The following PVT1 variants were observed in gnomAD, a reference collection of about 807,000 sequenced individuals.
PVT1 encodes CXCR4/PVT1 fusion.
intron 2 of PVT1, among the ~76,000 whole-genome samples, chr8:127,863,967 G>A (rs1815257207): frequency 6.6e-6 from 1 of 152,240 alleles, no homozygotes; most frequent in Non-Finnish European, 1.5e-5. Context: ...TTTTGGCTCA[G>A]CGCGGATGGA....
At chr8:127,981,297 A>G (rs778759484) in intron 3 of PVT1, among the ~76,000 whole-genome samples, 22 of 152,174 alleles carry the variant, frequency 1.4e-4, no homozygotes, top group Non-Finnish European at 3.1e-4. Context: ...GGCCAAGGCT[A>G]CCCAAAGAGC....
chr8:127,984,027 T>C (rs1225603346), intron 3 of PVT1: 1 of 152,022 alleles, frequency 6.6e-6, no homozygotes, highest in Admixed American at 6.6e-5. Context: ...TACAGGCGTG[T>C]GCCACAAAGC....
intron 4 of PVT1, among the ~76,000 whole-genome samples, chr8:128,056,363 T>C (rs1813762334): frequency 6.6e-6 from 1 of 152,228 alleles, no homozygotes; most frequent in East Asian, 1.9e-4. Flanking sequence ...GTATGTATAC[T>C]CATATATGCA....
chr8:127,807,563 T>A (rs1235658033), intron 2 of PVT1, among the ~76,000 whole-genome samples: 1 of 152,094 alleles, frequency 6.6e-6, no homozygotes, highest in African/African-American at 2.4e-5. Flanking sequence ...CCTCAAGCCA[T>A]CCTCCTGCCC....
chr8:128,089,406 G>A (rs558968967), intron 5 of PVT1, among the ~76,000 whole-genome samples: 4 of 152,196 alleles, frequency 2.6e-5, no homozygotes, highest in South Asian at 2.1e-4. Flanking sequence ...GGGGTCCACC[G>A]TCATGACCAT....
At chr8:127,993,997 G>C (rs1817074930) in intron 4 of PVT1, among the ~76,000 whole-genome samples, 1 of 152,140 alleles carries the variant, frequency 6.6e-6, no homozygotes, top group South Asian at 2.1e-4. Context: ...CAATTGCATT[G>C]CTTGAGATCC....
chr8:128,004,956 C>G (rs2130024669), intron 4 of PVT1, among the ~76,000 whole-genome samples: 1 of 152,244 alleles, frequency 6.6e-6, no homozygotes, highest in Non-Finnish European at 1.5e-5. Flanking sequence ...ACCTGACTAA[C>G]ATGGAGAAAC....
At chr8:127,976,083 C>T (rs568083716) in intron 3 of PVT1, among the ~76,000 whole-genome samples, 30 of 152,308 alleles carry the variant, frequency 2.0e-4, no homozygotes, top group African/African-American at 7.2e-4. Context: ...AAGAGTGGAG[C>T]TTACATCTTT....
intron 2 of PVT1, among the ~76,000 whole-genome samples, chr8:127,810,076 C>T (rs1197581150): frequency 2.0e-5 from 3 of 152,190 alleles, no homozygotes; most frequent in Non-Finnish European, 4.4e-5. Flanking sequence ...ACAGATGCCC[C>T]CCAGAAGCAT....
intron 2 of PVT1, among the ~76,000 whole-genome samples, chr8:127,844,618 C>T (rs1161127862): frequency 6.6e-6 from 1 of 152,204 alleles, no homozygotes; most frequent in Non-Finnish European, 1.5e-5. Flanking sequence ...GTGAACAGAG[C>T]CCTTTTCATC....
intron 4 of PVT1, among the ~76,000 whole-genome samples, chr8:128,024,176 G>T (rs1817468123): frequency 6.6e-6 from 1 of 152,308 alleles, no homozygotes; most frequent in East Asian, 1.9e-4. Context: ...TGAAGGAATT[G>T]CACCTGTGAA....
At chr8:128,093,183 C>T (rs564370792) in intron 5 of PVT1, among the ~76,000 whole-genome samples, 1 of 152,302 alleles carries the variant, frequency 6.6e-6, no homozygotes, top group Non-Finnish European at 1.5e-5. Flanking sequence ...ACGGAAAGAG[C>T]TTGGGCTTCT....
intron 4 of PVT1, among the ~76,000 whole-genome samples, chr8:128,019,116 G>A (rs1817405646): frequency 6.6e-6 from 1 of 152,222 alleles, no homozygotes; most frequent in Non-Finnish European, 1.5e-5. Flanking sequence ...GAACGTCAGA[G>A]CCACTGCGTC....
Position 127,880,148 on chromosome 8 carries a change from A to G in PVT1, n.373-10441A>G, listed in dbSNP as rs147829622. Among the ~76,000 whole-genome samples the G allele has an allele frequency of 5.9e-3, 893 of 150,234 alleles. 12 individuals are homozygous for G. Among genetic ancestry groups the G allele is most frequent in the African/African-American group, 0.022 (857 of 39,732 alleles). On this transcript the variant is annotated intron_variant and non_coding_transcript_variant, in intron 2 of 10. Transcript: ENST00000651587. ...ATGGACATGTCCTGCTTCTCTGGAA[A>G]TCTTAGTACAGCCTGAAAGCTCCAT...
chr8:127,831,155 C>CTATATA (rs61121608), intron 2 of PVT1, among the ~76,000 whole-genome samples: 1 of 148,070 alleles, frequency 6.8e-6, no homozygotes, highest in African/African-American at 2.5e-5. Flanking sequence ...CTCTCTCTCT[C>CTATATA]TATATATATA....
chr8:128,034,394 C>T (rs759038856), intron 4 of PVT1, among the ~76,000 whole-genome samples: 1 of 152,330 alleles, frequency 6.6e-6, no homozygotes, highest in Non-Finnish European at 1.5e-5. Context: ...CTGTTCTCAC[C>T]ACCTGGGTGG....
chr8:127,997,775 G>A (rs1817123823), intron 4 of PVT1, among the ~76,000 whole-genome samples: 1 of 152,184 alleles, frequency 6.6e-6, no homozygotes, highest in African/African-American at 2.4e-5. Context: ...ATTATTTACT[G>A]AAGTTGAAAC....
At chr8:127,956,706 A>C (rs1422070456) in intron 3 of PVT1, among the ~76,000 whole-genome samples, 1 of 152,114 alleles carries the variant, frequency 6.6e-6, no homozygotes, top group Admixed American at 6.5e-5. Flanking sequence ...GATGGTCTGG[A>C]TCTCTTGACC....
intron 3 of PVT1, chr8:127,983,900 A>G (rs1293610222): frequency 2.8e-5 from 3 of 105,892 alleles, no homozygotes; most frequent in Admixed American, 1.1e-4. Flanking sequence ...TTTTTTTGAT[A>G]TAGAGTCTCA....
Sources: allele counts gnomAD v4.1 joint callset (sites outside exome capture counted in the v4.1 genomes callset), GRCh38; gene constraint gnomAD v4.1.1; transcripts MANE v1.5; gene names NCBI Gene and HGNC (gene_info 2026-07-23, HGNC 2026-07-21).